Variants in ASB2 observed in about 807,000 individuals in gnomAD.
The protein encoded by ASB2 is ankyrin repeat and SOCS box protein 2.
Under a neutral mutation model 62.4 loss-of-function variants are expected in ASB2, and 58 were observed. The observed-to-expected ratio is 0.93, with a 90% confidence interval of 0.75 to 1.16. The LOEUF (loss-of-function observed/expected upper bound fraction) is 1.16. Ranked by LOEUF, ASB2 falls within the 50% of genes most tolerant of loss-of-function variation. ASB2 has a pLI of 0.00. For missense variants in ASB2, 928 were observed against 887.9 expected, an observed-to-expected ratio of 1.05 and a Z score of -0.57; for synonymous variants, 386 against 385.3, an observed-to-expected ratio of 1.00 and a Z score of -0.02.
intron 3 of ASB2, chr14:93,955,189 C>T (rs557262675): frequency 2.8e-4 from 128 of 456,408 alleles, no homozygotes; most frequent in South Asian, 1.9e-3. Context: ...ATCAATAGTC[C>T]CATTTCCCAG....
chr14:93,959,746 G>A (rs1033113666), intron 2 of ASB2, among the ~76,000 whole-genome samples: 37 of 152,150 alleles, frequency 2.4e-4, no homozygotes, highest in African/African-American at 8.7e-4. Flanking sequence ...TGAGAGCAGA[G>A]AATGGGCTGG....
chr14:93,947,392 C>T lies in ASB2; in HGVS notation c.1009G>A (p.Gly337Ser), dbSNP rs753162231. 1.5e-5 allele frequency: 24 copies of T among 1,614,094 alleles called. No homozygotes were observed. Among genetic ancestry groups the T allele is most frequent in the Middle Eastern group, 1.6e-4 (1 of 6,084 alleles). Residue 337 changes from glycine (G) to serine (S), a missense_variant, in exon 7 of 10, where the codon GGC (glycine) becomes AGC (serine). Physicochemically the swap from Gly to Ser is moderately conservative, Grantham distance 56. Transcript: ENST00000555019. ...GADANKTNKD[G>S]LLPLHIASKK... Reference sequence around the variant, plus strand: ...GAGGCGATGTGCAGCGGGAGCAAGCCGTCCTTGTTGGTCTTGTTGGCGTCG... The same window carrying T: ...GAGGCGATGTGCAGCGGGAGCAAGCTGTCCTTGTTGGTCTTGTTGGCGTCG...
chr14:93,939,630 T>C lies in ASB2; in HGVS notation c.1095A>G (p.Ile365Met). ...MLLPVTSRTR[I>M]RRSGVSPLHL... ...GCAGCGGACTGACGCCGCTACGGCG[T>C]ATGCGCGTGCGGCTGGTCACCGGCA... The change falls in exon 8 of 10, where the codon ATA becomes ATG. Residue 365 changes from isoleucine (I) to methionine (M), a missense_variant. Transcript: ENST00000555019. 1 of 1,531,252 alleles carries C rather than the reference T, an allele frequency of 6.5e-7. No homozygotes were observed. The highest frequency in any genetic ancestry group is 8.7e-7 in the Non-Finnish European group (1 of 1,147,112). 94.9% of individuals were successfully genotyped at this position (1,531,252 alleles called of 1,614,324 possible).
chr14:93,956,658 A>G, intron 3 of ASB2, 108 bp downstream of exon 3: 3 of 1,452,140 alleles, frequency 2.1e-6, no homozygotes, highest in East Asian at 2.3e-5. Context: ...GTGCCTCCAT[A>G]GTGCCCTCTG....
chr14:93,975,487 G>A (rs1055005391), intron 1 of ASB2, among the ~76,000 whole-genome samples: 4 of 152,206 alleles, frequency 2.6e-5, no homozygotes, highest in African/African-American at 9.7e-5. Flanking sequence ...GTGAACACAC[G>A]GGTGGGAGTG....
intron 1 of ASB2, among the ~76,000 whole-genome samples, chr14:93,971,203 C>T (rs540325296): frequency 6.6e-6 from 1 of 152,368 alleles, no homozygotes; most frequent in Non-Finnish European, 1.5e-5. Context: ...CTGTGACTGT[C>T]AGCTCCCCGG....
intron 9 of ASB2, 44 bp from the exon 10 acceptor site, chr14:93,934,836 A>G (rs749963566): frequency 1.9e-6 from 3 of 1,559,060 alleles, no homozygotes; most frequent in East Asian, 2.2e-5. Flanking sequence ...GTCATTTGCA[A>G]TAAGCAAAGG....
rs563731441 is a variant in ASB2 at position 93,938,330 on chromosome 14, C to T, written c.1618-479G>A. On this transcript the variant is annotated intron_variant, in intron 8 of 9. Coordinates refer to ENST00000555019, the MANE Select transcript of ASB2 (RefSeq NM_001202429.2). ...TCTCGGCTCACTGCAAGCTCTGCCT[C>T]CTGGGTGCACGTCATTCTCCTGCCT... 6.7e-5 allele frequency among the ~76,000 whole-genome samples: 10 copies of T among 149,264 alleles called. No homozygotes were observed. In the East Asian group the frequency reaches 1.9e-3, roughly 28 times the overall value.
chr14:93,947,175 A>G (rs1432008344), intron 7 of ASB2, among the ~76,000 whole-genome samples, 174 bp downstream of exon 7: 5 of 152,220 alleles, frequency 3.3e-5, no homozygotes, highest in Non-Finnish European at 7.3e-5. Flanking sequence ...CCATGTTGCT[A>G]ACTGCTAAGG....
rs1304503222 is a variant in ASB2, at chr14:93,964,442, A to G, written c.98T>C (p.Met33Thr). 3 of 1,536,084 alleles carry G rather than the reference A, an allele frequency of 2.0e-6. No homozygotes were observed. The highest frequency in any genetic ancestry group is 2.4e-5 in the South Asian group (2 of 84,052). ...SSLSEDELVQ[M>T]AIEQSLADKT... ...GTCCGCTAGGCTCTGCTCGATGGCC[A>G]TCTGCACCAGTTCATCCTCGCTCAG... The change falls in exon 2 of 10, where the codon ATG becomes ACG. Residue 33 changes from methionine (M) to threonine (T), a missense_variant. Met to Thr is a moderately conservative substitution (Grantham distance 81). Coordinates refer to ENST00000555019, the MANE Select transcript of ASB2 (RefSeq NM_001202429.2).
intron 1 of ASB2, among the ~76,000 whole-genome samples, chr14:93,966,197 C>A (rs1253382449): frequency 6.6e-6 from 1 of 152,212 alleles, no homozygotes; most frequent in African/African-American, 2.4e-5. Flanking sequence ...TGCGGATAGT[C>A]CCCTCAATGG....
At chr14:93,948,027 G>A (rs1595310124) in intron 6 of ASB2, among the ~76,000 whole-genome samples, 2 of 139,354 alleles carry the variant, frequency 1.4e-5, no homozygotes, top group African/African-American at 5.2e-5. Context: ...AAGACCCAGG[G>A]GCCTGCCAGC....
At chr14:93,969,948 A>G (rs149285439) in intron 1 of ASB2, 1 of 152,372 alleles carries the variant, frequency 6.6e-6, no homozygotes, top group East Asian at 1.9e-4. Context: ...GCTCTCTTCT[A>G]AGTTGGGCCT....
In ASB2 at chr14:93,934,582, A is replaced by T; in HGVS notation, c.*74T>A. The T allele has an allele frequency of 1.3e-6, 2 of 1,503,780 alleles. No homozygotes were observed. Among genetic ancestry groups the T allele is most frequent in the Non-Finnish European group, 1.8e-6 (2 of 1,089,446 alleles). 93.2% of individuals were successfully genotyped at this position (1,503,780 alleles called of 1,614,324 possible). A position where few individuals can be genotyped will look rare whatever the true frequency, so the allele number is the denominator to read the frequency against. The stretch of plus-strand genomic sequence containing the variant: ...CTCGTCTGTCACCAGGTCCCCTTGG[A>T]GTTGGGAACACCGACGTCCTGAGAC... On this transcript the variant is annotated 3_prime_UTR_variant, in exon 10 of 10. Coordinates refer to ENST00000555019, the MANE Select transcript of ASB2 (RefSeq NM_001202429.2).
chr14:93,957,445 T>G (rs1383688286), intron 2 of ASB2: 2 of 975,180 alleles, frequency 2.1e-6, no homozygotes, highest in East Asian at 2.3e-4. Context: ...ATAGGATGCA[T>G]GAGGAAGGGC....
At chr14:93,968,814 G>A (rs750005550) in intron 1 of ASB2, among the ~76,000 whole-genome samples, 2 of 152,142 alleles carry the variant, frequency 1.3e-5, no homozygotes, top group Non-Finnish European at 2.9e-5. Context: ...GTAACCCCAG[G>A]ACCTAACCCA....
chr14:93,957,140 G>A lies in ASB2; in HGVS notation c.207-270C>T, dbSNP rs559682923. 1.1e-4 allele frequency: 80 copies of A among 716,432 alleles called. 1 individual carries two copies. Among genetic ancestry groups the A allele is most frequent in the Middle Eastern group, 8.5e-4 (2 of 2,348 alleles). The allele number at this position is 716,432 out of a possible 1,614,324, so 44.4% of individuals were successfully genotyped here. A position where few individuals can be genotyped will look rare whatever the true frequency, so the allele number is the denominator to read the frequency against. On this transcript the variant is annotated intron_variant, in intron 2 of 9. Transcript: ENST00000555019. The stretch of plus-strand genomic sequence containing the variant: ...TGAGGTTAACCTCACCCCACCCCCC[G>A]GTCCCCCTCCCCAGCCAACCACGAA...
intron 3 of ASB2, among the ~76,000 whole-genome samples, chr14:93,955,999 G>A (rs890314033): frequency 3.9e-5 from 6 of 152,126 alleles, no homozygotes; most frequent in Non-Finnish European, 5.9e-5. Context: ...AGTGGAGGGC[G>A]ACAGGATTTG....
chr14:93,954,373 G>C lies in ASB2; in HGVS notation c.422C>G (p.Pro141Arg). The C allele has an allele frequency of 6.2e-7, 1 of 1,613,890 alleles. No homozygotes were observed. The highest frequency in any genetic ancestry group is 8.5e-7 in the Non-Finnish European group (1 of 1,179,842). Residue 141 changes from proline to arginine, a missense_variant, in exon 4 of 10, where the codon CCG (proline) becomes CGG (arginine). Transcript: ENST00000555019. ...LAEPNKEGWL[P>R]LHEAAYYGQV... ...GCCATAGTATGCGGCCTCGTGCAGC[G>C]GCAGCCAGCCCTCCTTGTTGGGCTC...
Sources: allele counts gnomAD v4.1 joint callset (sites outside exome capture counted in the v4.1 genomes callset), GRCh38; gene constraint gnomAD v4.1.1; transcripts MANE v1.5; gene names NCBI Gene and HGNC (gene_info 2026-07-23, HGNC 2026-07-21).